CDK13: variants seen among roughly 807,000 people sequenced by gnomAD.
The protein encoded by CDK13 is cyclin-dependent kinase 13.
Under a neutral mutation model 137.6 loss-of-function variants are expected in CDK13, and 40 were observed. The observed-to-expected ratio is 0.29, with a 90% CI of 0.23 to 0.38. The LOEUF is 0.38. Among genes scored for constraint, CDK13 ranks in the 10% least tolerant of loss-of-function variants. The pLI, the probability that CDK13 is intolerant of heterozygous loss-of-function variation, is 1.00. For missense variants in CDK13, 1,704 were observed against 1,951.8 expected (o/e 0.87, Z 2.39); for synonymous variants, 869 against 760.1 (o/e 1.14, Z -2.36).
chr7:40,078,082 A>G lies in CDK13; in HGVS notation c.2858A>G (p.Lys953Arg). The change falls in exon 10 of 14, where the codon AAG becomes AGG. Residue 953 changes from lysine to arginine, a missense_variant. By Grantham distance (26) the Lys-to-Arg change is conservative (BLOSUM62 2). Around this residue, in one of 5 missense-constraint regions of CDK13, gnomAD observed 130 missense variants for 362.4 expected, o/e 0.36. Coordinates refer to ENST00000181839, the MANE Select transcript of CDK13 (RefSeq NM_003718.5). The stretch of plus-strand genomic sequence containing the variant: ...CCATATTTCAACACCATGAAACCAA[A>G]GAAGCAATATCGTCGAAAGTTAAGA... Reference protein sequence around the residue: ...KLPYFNTMKPKKQYRRKLREE... With the variant: ...KLPYFNTMKPRKQYRRKLREE... 6.2e-7 allele frequency: 1 copy of G among 1,604,170 alleles called. No individual in the cohort carries two copies. The highest frequency in any genetic ancestry group is 8.5e-7 in the Non-Finnish European group (1 of 1,176,256).
At chr7:40,016,235 G>T (rs534460493) in intron 5 of CDK13, among the ~76,000 whole-genome samples, 1 of 152,316 alleles carries the variant, frequency 6.6e-6, no homozygotes, top group Admixed American at 6.5e-5. Context: ...AGGACAATGA[G>T]GCTGGGGGAT....
At chr7:40,039,852 A>T (rs1303222390) in intron 5 of CDK13, among the ~76,000 whole-genome samples, 1 of 152,054 alleles carries the variant, frequency 6.6e-6, no homozygotes, top group Non-Finnish European at 1.5e-5. Flanking sequence ...TTATTTTTAC[A>T]TAGTCGTATT....
chr7:39,967,214 G>T (rs1258945716), intron 1 of CDK13, among the ~76,000 whole-genome samples: 1 of 152,124 alleles, frequency 6.6e-6, no homozygotes, highest in African/African-American at 2.4e-5. Flanking sequence ...GATCGCTTGA[G>T]CTCAGGAGTT....
At chr7:39,961,775 A>G (rs886181835) in intron 1 of CDK13, among the ~76,000 whole-genome samples, 1 of 151,908 alleles carries the variant, frequency 6.6e-6, no homozygotes, top group African/African-American at 2.4e-5. Context: ...TCCTAATGCT[A>G]TCCCTCCTCC....
intron 9 of CDK13, among the ~76,000 whole-genome samples, chr7:40,076,404 A>G (rs574332927): frequency 6.6e-6 from 1 of 152,282 alleles, no homozygotes; most frequent in Non-Finnish European, 1.5e-5. Flanking sequence ...ATTCAGCTAT[A>G]TAGAATTTAG....
chr7:39,982,810 T>G (rs1270864831), intron 1 of CDK13, among the ~76,000 whole-genome samples: 2 of 152,248 alleles, frequency 1.3e-5, no homozygotes, highest in Non-Finnish European at 2.9e-5. Flanking sequence ...TGCATAAATG[T>G]CTTCTTTTGA....
chr7:40,092,513 C>T, intron 12 of CDK13: 2 of 375,264 alleles, frequency 5.3e-6, no homozygotes, highest in Non-Finnish European at 4.8e-6. Context: ...TGGTTAAATC[C>T]ATAACATGAG....
intron 5 of CDK13, among the ~76,000 whole-genome samples, chr7:40,013,012 A>G (rs938455921): frequency 6.6e-6 from 1 of 152,148 alleles, no homozygotes; most frequent in Non-Finnish European, 1.5e-5. Context: ...AAGCAACCCA[A>G]GTGTCCTTGG....
chr7:40,067,726 G>T (rs879563751), intron 9 of CDK13: 2 of 151,386 alleles, frequency 1.3e-5, no homozygotes, highest in African/African-American at 2.4e-5. Context: ...AGGTGGGAGG[G>T]TCACTTGAGG....
chr7:40,005,372 C>A (rs1029345859), intron 5 of CDK13, among the ~76,000 whole-genome samples: 1 of 151,072 alleles, frequency 6.6e-6, no homozygotes. Context: ...TCATTGCAAT[C>A]TCTGCCTCTC....
At chr7:39,967,470 TA>T (rs796370648) in intron 1 of CDK13, among the ~76,000 whole-genome samples, 2,221 of 143,786 alleles carry the variant, frequency 0.015, 38 homozygotes, top group African/African-American at 0.042. Context: ...TGAACCACAT[TA>T]AAAAAAAAAA....
chr7:40,067,042 G>A lies in CDK13; in HGVS notation c.2780+3942G>A, dbSNP rs1584061603. Reference sequence around the variant, plus strand: ...ATTAAAGATAGTTAACATCTATTTAGTTCATATACAATATCAGCATTATTC... The same window carrying A: ...ATTAAAGATAGTTAACATCTATTTAATTCATATACAATATCAGCATTATTC... On this transcript the variant is annotated intron_variant, in intron 9 of 13. Coordinates refer to ENST00000181839, the MANE Select transcript of CDK13 (RefSeq NM_003718.5). 2.0e-5 allele frequency among the ~76,000 whole-genome samples: 3 copies of A among 151,546 alleles called. No homozygotes were observed. In the East Asian group the frequency reaches 5.8e-4, roughly 29 times the overall value.
chr7:40,003,227 T>TCTCTCTCTCTCTC (rs1784731983), intron 5 of CDK13, among the ~76,000 whole-genome samples: 7 of 84,302 alleles, frequency 8.3e-5, no homozygotes, highest in African/African-American at 3.7e-4. Context: ...CTCTCTCTCT[T>TCTCTCTCTCTCTC]ACTCTGTTGA....
In CDK13 at chr7:39,950,793, C is replaced by T. The variant is rs1781531585; in HGVS notation, c.152C>T (p.Pro51Leu). ...CTCCTGCAGCCGCAGCTCCTGCAAC[C>T]GCCGCCGCCCCCGCCGCCTCTGCTC... ...LPLLQPQLLQ[P>L]PPPPPPLLFL... The change falls in exon 1 of 14, where the codon CCG (proline) becomes CTG (leucine). Residue 51 changes from proline to leucine, a missense_variant. By Grantham distance (98) the Pro-to-Leu change is moderately conservative. Around this residue, in one of 5 missense-constraint regions of CDK13, gnomAD observed 1,051 missense variants for 931.0 expected, o/e 1.13. Transcript: ENST00000181839. 1.4e-6 allele frequency: 2 copies of T among 1,464,226 alleles called. No individual in the cohort carries two copies. Among genetic ancestry groups the T allele is most frequent in the South Asian group, 1.3e-5 (1 of 76,020 alleles). The allele number at this position is 1,464,226 out of a possible 1,614,324, so 90.7% of individuals were successfully genotyped here.
intron 5 of CDK13, among the ~76,000 whole-genome samples, chr7:40,026,220 C>G (rs1416592867): frequency 1.3e-5 from 2 of 152,132 alleles, no homozygotes; most frequent in East Asian, 3.9e-4. Flanking sequence ...TGTAAGTATA[C>G]CATTTAGGCC....
At chr7:39,961,458 A>G (rs1453843467) in intron 1 of CDK13, among the ~76,000 whole-genome samples, 1 of 152,136 alleles carries the variant, frequency 6.6e-6, no homozygotes, top group Non-Finnish European at 1.5e-5. Context: ...ACTTCTGTCT[A>G]TCTGAAACTT....
At chr7:39,982,211 T>A (rs1011885512) in intron 1 of CDK13, among the ~76,000 whole-genome samples, 8 of 139,670 alleles carry the variant, frequency 5.7e-5, no homozygotes, top group African/African-American at 1.3e-4. Context: ...TTCCCCTTCC[T>A]GTGTCCATGT....
In CDK13 at chr7:40,098,849, A is replaced by AT. The variant is rs913477398; in HGVS notation, c.*3874dup. On this transcript the variant is annotated 3_prime_UTR_variant, in exon 14 of 14. Coordinates refer to ENST00000181839, the MANE Select transcript of CDK13 (RefSeq NM_003718.5). ...CTTTAAAAAGTCTGCTTAAAAAACA[A>AT]TTTTTATTTAGAAAAAATAGAAAAA... 6.6e-6 allele frequency: 1 copy of AT among 152,124 alleles called. No individual in the cohort carries two copies. The highest frequency in any genetic ancestry group is 2.4e-5 in the African/African-American group (1 of 41,458). The allele number at this position is 152,124 out of a possible 1,614,324, so 9.4% of individuals were successfully genotyped here.
chr7:40,032,546 T>C (rs1785402989), intron 5 of CDK13, among the ~76,000 whole-genome samples: 1 of 152,260 alleles, frequency 6.6e-6, no homozygotes, highest in South Asian at 2.1e-4. Flanking sequence ...TGATCCATTT[T>C]GAGTTAATTT....
Sources: gnomAD v4.1 joint callset for allele counts (sites outside exome capture counted in the v4.1 genomes callset) on GRCh38, gnomAD v4.1.1 for gene constraint, gnomAD v4.1.1 regional missense constraint, MANE v1.5 for transcripts, NCBI Gene and HGNC (gene_info 2026-07-23, HGNC 2026-07-21) for gene names.